C19orf38: variants seen among roughly 807,000 people sequenced by gnomAD.
C19orf38 encodes protein HIDE1.
Under a neutral mutation model 26.6 loss-of-function variants are expected in C19orf38, and 14 were observed. That is an observed-to-expected ratio of 0.53 (90% CI 0.35 to 0.82). The LOEUF is 0.82. Among genes scored for constraint, C19orf38 ranks in the 40% least tolerant of loss-of-function variants. The probability of loss-of-function intolerance (pLI) is 0.01; values close to 1 mark genes in which losing one functional copy is unlikely to be tolerated. For missense variants in C19orf38, 261 were observed against 299.5 expected (o/e 0.87, Z 0.95); for synonymous variants, 132 against 128.5 (o/e 1.03, Z -0.18).
chr19:10,838,431 A>G (rs11673223), intron 1 of C19orf38, among the ~76,000 whole-genome samples: 2 of 152,176 alleles, frequency 1.3e-5, no homozygotes, highest in African/African-American at 4.8e-5. Flanking sequence ...AAAAATAACC[A>G]TTTTAAAATT....
chr19:10,848,552 C>A lies in C19orf38; in HGVS notation c.31+13C>A. The A allele has an allele frequency of 6.8e-7, 1 of 1,477,696 alleles. No individual in the cohort carries two copies. Among genetic ancestry groups the A allele is most frequent in the Non-Finnish European group, 9.1e-7 (1 of 1,099,910 alleles). The allele number at this position is 1,477,696 out of a possible 1,614,324, so 91.5% of individuals were successfully genotyped here. On this transcript the variant is annotated intron_variant, in intron 1 of 6. Transcript: ENST00000397820. ...CTCTTTGCAGCTGGTGAGTCTGAAG[C>A]CCCCCTCTCAGATCCCCCACGCCTT...
intron 2 of C19orf38, among the ~76,000 whole-genome samples, chr19:10,853,940 T>C (rs2073599397): frequency 1.3e-5 from 2 of 149,152 alleles, no homozygotes; most frequent in African/African-American, 5.0e-5. Context: ...ACTGCTGGCA[T>C]GTGTCAGTAG....
At position 10,869,257 on chromosome 19, in the gene C19orf38, C is replaced by T. The variant is rs1471114468; in HGVS notation, c.583C>T (p.His195Tyr). The T allele has an allele frequency of 1.3e-6, 2 of 1,551,668 alleles. No individual in the cohort carries two copies. Among genetic ancestry groups the T allele is most frequent in the East Asian group, 4.9e-5 (2 of 40,924 alleles). The change falls in exon 7 of 7, where the codon CAC becomes TAC. Residue 195 changes from histidine to tyrosine, a missense_variant. Coordinates refer to ENST00000397820, the MANE Select transcript of C19orf38 (RefSeq NM_001136482.3). ...PEEDPATLDD[H>Y]SGTTATPSNS... is the part of the protein sequence containing the mutation. Reference sequence around the variant, plus strand: ...AGAAGACCCGGCCACCTTGGATGATCACTCAGGCACCACTGCCACCCCCAG... The same window carrying T: ...AGAAGACCCGGCCACCTTGGATGATTACTCAGGCACCACTGCCACCCCCAG...
intron 5 of C19orf38, among the ~76,000 whole-genome samples, chr19:10,861,293 C>T (rs1234268558): frequency 6.6e-6 from 1 of 152,230 alleles, no homozygotes; most frequent in Non-Finnish European, 1.5e-5. Context: ...CCTTCCAGAA[C>T]ATGCCATTCT....
At chr19:10,837,228 A>G (rs2073439513) in intron 1 of C19orf38, among the ~76,000 whole-genome samples, 1 of 152,260 alleles carries the variant, frequency 6.6e-6, no homozygotes, top group African/African-American at 2.4e-5. Flanking sequence ...CCGTCTAAAC[A>G]TAAACTGTGT....
intron 1 of C19orf38, among the ~76,000 whole-genome samples, chr19:10,840,568 G>C (rs2073471527): frequency 1.3e-5 from 2 of 152,184 alleles, no homozygotes; most frequent in Non-Finnish European, 2.9e-5. Context: ...TGCCAGGCTG[G>C]AGTACAGTGG....
intron 6 of C19orf38, among the ~76,000 whole-genome samples, chr19:10,864,284 C>G (rs2146276529): frequency 6.6e-6 from 1 of 152,240 alleles, no homozygotes; most frequent in Non-Finnish European, 1.5e-5. Flanking sequence ...TGGTCTCAAA[C>G]TCCTGACCTC....
At chr19:10,867,550 G>A (rs549268952) in intron 6 of C19orf38, among the ~76,000 whole-genome samples, 5 of 150,672 alleles carry the variant, frequency 3.3e-5, no homozygotes, top group Non-Finnish European at 7.4e-5. Flanking sequence ...CCCAGGAGGC[G>A]GAGTTGCTGT....
chr19:10,853,852 T>C (rs2073597815), intron 2 of C19orf38, among the ~76,000 whole-genome samples: 1 of 149,558 alleles, frequency 6.7e-6, no homozygotes, highest in African/African-American at 2.5e-5. Flanking sequence ...CACCTCAGCC[T>C]CCCAAAGTGC....
At position 10,863,093 on chromosome 19, in the gene C19orf38, G is replaced by C. The variant is rs1194220564; in HGVS notation, c.506-77G>C. ...CAATTGCTTCCCTGTGGGCTGGGGG[G>C]CAGTGCGGGGATGGCAGGGAGCAGG... On this transcript the variant is annotated intron_variant, in intron 5 of 6. Coordinates refer to ENST00000397820, the MANE Select transcript of C19orf38 (RefSeq NM_001136482.3). The C allele has an allele frequency of 4.1e-5, 59 of 1,433,928 alleles. No homozygotes were observed. In the South Asian group the frequency reaches 6.9e-4, roughly 17 times the overall value. The allele number at this position is 1,433,928 out of a possible 1,614,324, so 88.8% of individuals were successfully genotyped here.
intron 4 of C19orf38, among the ~76,000 whole-genome samples, chr19:10,859,593 A>G (rs183670976): frequency 1.3e-3 from 193 of 150,716 alleles, no homozygotes; most frequent in Non-Finnish European, 2.1e-3. Flanking sequence ...TGTGTTGTCC[A>G]GTCTGGTCTT....
intron 5 of C19orf38, among the ~76,000 whole-genome samples, chr19:10,860,758 G>A (rs934520838): frequency 2.0e-5 from 3 of 147,342 alleles, no homozygotes; most frequent in Non-Finnish European, 4.5e-5. Flanking sequence ...GGAGAATGGC[G>A]TGAACCCAGG....
intron 1 of C19orf38, 35 bp from the exon 2 acceptor site, chr19:10,850,224 C>CCACG: frequency 6.6e-7 from 1 of 1,515,036 alleles, no homozygotes; most frequent in Non-Finnish European, 8.9e-7. Flanking sequence ...TCCACTCTCA[C>CCACG]CACGCACCCA....
At chr19:10,851,432 C>G (rs1467092353) in intron 2 of C19orf38, among the ~76,000 whole-genome samples, 2 of 151,802 alleles carry the variant, frequency 1.3e-5, no homozygotes, top group South Asian at 4.2e-4. Context: ...CCTCCAATTC[C>G]TATCCTCAAG....
chr19:10,859,364 A>G (rs1272238576), intron 4 of C19orf38, among the ~76,000 whole-genome samples: 1,549 of 43,744 alleles, frequency 0.035, 72 homozygotes, highest in South Asian at 0.059. Context: ...ATATATATAT[A>G]TATATATATA....
chr19:10,838,866 C>G (rs2073457710), intron 1 of C19orf38, among the ~76,000 whole-genome samples: 1 of 151,876 alleles, frequency 6.6e-6, no homozygotes, highest in African/African-American at 2.4e-5. Flanking sequence ...TATTATGCAG[C>G]CGGGGTCTCT....
At chr19:10,852,223 C>T (rs1599662135) in intron 2 of C19orf38, among the ~76,000 whole-genome samples, 1 of 152,046 alleles carries the variant, frequency 6.6e-6, no homozygotes, top group East Asian at 1.9e-4. Context: ...CCTCGGCCTC[C>T]AGAGTAGCTG....
chr19:10,837,845 G>A (rs552354803), intron 1 of C19orf38, among the ~76,000 whole-genome samples: 2 of 152,136 alleles, frequency 1.3e-5, no homozygotes, highest in South Asian at 4.2e-4. Flanking sequence ...TGTTGCCCAG[G>A]CTGGGGTGCA....
At chr19:10,852,482 T>A (rs2073582863) in intron 2 of C19orf38, among the ~76,000 whole-genome samples, 1 of 152,198 alleles carries the variant, frequency 6.6e-6, no homozygotes, top group Non-Finnish European at 1.5e-5. Context: ...CATGTTCTAA[T>A]GGTCAGCCCT....
Sources: allele counts gnomAD v4.1 joint callset (sites outside exome capture counted in the v4.1 genomes callset), GRCh38; gene constraint gnomAD v4.1.1; transcripts MANE v1.5; gene names NCBI Gene and HGNC (gene_info 2026-07-23, HGNC 2026-07-21).